Variants in PCDH7 observed in about 807,000 individuals in gnomAD.
PCDH7 encodes the protein protocadherin-7.
A neutral mutation model predicts 58.9 loss-of-function variants in PCDH7; 17 were observed. The ratio of observed to expected loss-of-function variants is 0.29; its 90% CI spans 0.20 to 0.43. The LOEUF (loss-of-function observed/expected upper bound fraction) is 0.43, where lower values mean the gene tolerates loss of function less well. Ranked by LOEUF, PCDH7 falls within the 20% of genes least tolerant of loss-of-function variation. The probability of loss-of-function intolerance (pLI) is 1.00; values close to 1 mark genes in which losing one functional copy is unlikely to be tolerated. For missense variants in PCDH7, 1,274 were observed against 1,441.0 expected (o/e 0.88, Z 1.88); for synonymous variants, 664 against 616.4 (o/e 1.08, Z -1.14).
At chr4:30,844,965 A>G (rs1000591199) in intron 1 of PCDH7, among the ~76,000 whole-genome samples, 1 of 152,178 alleles carries the variant, frequency 6.6e-6, no homozygotes, top group African/African-American at 2.4e-5. Flanking sequence ...TTGAATAAGA[A>G]GGGAGTTTTG....
chr4:30,898,354 C>A (rs1388957347), intron 1 of PCDH7, among the ~76,000 whole-genome samples: 2 of 152,232 alleles, frequency 1.3e-5, no homozygotes, highest in African/African-American at 4.8e-5. Flanking sequence ...CGGCAGGCAT[C>A]AGATTGAATC....
chr4:31,079,081 A>AAGAT (rs1759253050), intron 3 of PCDH7, among the ~76,000 whole-genome samples: 1 of 151,838 alleles, frequency 6.6e-6, no homozygotes, highest in South Asian at 2.1e-4. Flanking sequence ...TTAACATTTA[A>AAGAT]AGATAGAAAT....
chr4:30,810,587 T>G (rs956908042), intron 1 of PCDH7, among the ~76,000 whole-genome samples: 2 of 151,626 alleles, frequency 1.3e-5, no homozygotes, highest in African/African-American at 4.9e-5. Flanking sequence ...TTGTAAATTA[T>G]GATTTTTTAA....
At chr4:30,948,439 T>G (rs1020410951) in intron 2 of PCDH7, among the ~76,000 whole-genome samples, 3 of 152,084 alleles carry the variant, frequency 2.0e-5, no homozygotes, top group African/African-American at 7.2e-5. Context: ...AAATAATCAC[T>G]GAGGAATATT....
intron 1 of PCDH7, among the ~76,000 whole-genome samples, chr4:30,770,093 G>T (rs892970338): frequency 6.6e-6 from 1 of 152,076 alleles, no homozygotes; most frequent in African/African-American, 2.4e-5. Flanking sequence ...AGGCTTGGTG[G>T]GTATCCTGAG....
chr4:30,834,923 A>G (rs1474057459), intron 1 of PCDH7, among the ~76,000 whole-genome samples: 2 of 150,464 alleles, frequency 1.3e-5, no homozygotes, highest in Non-Finnish European at 2.9e-5. Context: ...ATATATGTGT[A>G]TATATATACA....
At chr4:30,996,800 G>A (rs1560564723) in intron 3 of PCDH7, among the ~76,000 whole-genome samples, 1 of 152,106 alleles carries the variant, frequency 6.6e-6, no homozygotes, top group Non-Finnish European at 1.5e-5. Context: ...TGGCCATTGA[G>A]TTTTTTCTTT....
intron 2 of PCDH7, chr4:30,925,975 C>T (rs1389766197): frequency 1.3e-5 from 2 of 152,136 alleles, no homozygotes; most frequent in African/African-American, 2.4e-5. Context: ...CTGGCTTTAC[C>T]TCCTACAAGG....
In PCDH7 at chr4:31,093,260, C is replaced by T. The variant is rs191505526; in HGVS notation, c.*8-49213C>T. Among the ~76,000 whole-genome samples, 172 of 152,232 alleles carry T rather than the reference C, an allele frequency of 1.1e-3. No individual in the cohort carries two copies. The Middle Eastern group carries it at 0.017, about 15-fold the overall frequency. Reference sequence around the variant, plus strand: ...AAAAAATAGCAAGAACATCCATTTTCATTACATTTATTTCATTATAGTTTA... The same window carrying T: ...AAAAAATAGCAAGAACATCCATTTTTATTACATTTATTTCATTATAGTTTA... On this transcript the variant is annotated intron_variant, in intron 3 of 3. Transcript: ENST00000509759.
At chr4:30,796,903 T>C (rs1577841578) in intron 1 of PCDH7, among the ~76,000 whole-genome samples, 1 of 152,140 alleles carries the variant, frequency 6.6e-6, no homozygotes, top group Non-Finnish European at 1.5e-5. Flanking sequence ...CATGAGTAAA[T>C]CCTACCTGCC....
intron 3 of PCDH7, among the ~76,000 whole-genome samples, chr4:31,093,379 G>A (rs1159258120): frequency 6.6e-6 from 1 of 152,068 alleles, no homozygotes; most frequent in Non-Finnish European, 1.5e-5. Context: ...TGTTTAAGAA[G>A]AAGCATAATG....
chr4:30,902,705 T>G (rs536369710), intron 1 of PCDH7, among the ~76,000 whole-genome samples: 1 of 152,082 alleles, frequency 6.6e-6, no homozygotes, highest in African/African-American at 2.4e-5. Flanking sequence ...CTTGAAAAAG[T>G]CATAAGGAAA....
intron 3 of PCDH7, among the ~76,000 whole-genome samples, chr4:31,039,704 A>G (rs1755690322): frequency 1.3e-5 from 2 of 152,220 alleles, no homozygotes; most frequent in South Asian, 4.1e-4. Flanking sequence ...TTTCTAGAAG[A>G]GCAACTGGAA....
At chr4:30,790,894 G>A (rs1188262946) in intron 1 of PCDH7, among the ~76,000 whole-genome samples, 2 of 151,968 alleles carry the variant, frequency 1.3e-5, no homozygotes, top group East Asian at 3.9e-4. Flanking sequence ...CTGCACTCCA[G>A]CAAGAATGAC....
At chr4:30,781,763 C>T (rs970344136) in intron 1 of PCDH7, among the ~76,000 whole-genome samples, 4 of 151,524 alleles carry the variant, frequency 2.6e-5, no homozygotes, top group Non-Finnish European at 5.9e-5. Flanking sequence ...CTTGAACTCC[C>T]GACCTCAGGT....
At chr4:30,864,660 G>A (rs1734651315) in intron 1 of PCDH7, among the ~76,000 whole-genome samples, 1 of 151,954 alleles carries the variant, frequency 6.6e-6, no homozygotes, top group Admixed American at 6.6e-5. Context: ...GTCCTATACT[G>A]TGAATGAAAA....
In PCDH7 at chr4:30,953,444, A is replaced by T. The variant is rs73815113; in HGVS notation, c.*7+3229A>T. On this transcript the variant is annotated intron_variant, in intron 3 of 3. Coordinates refer to the PCDH7 transcript ENST00000509759. ...TCTTTTTAGTATTCTGGTTATTTTC[A>T]TTTTCTCATTTGGTGAAAAATGGTC... Among the ~76,000 whole-genome samples, 448 of 151,708 alleles carry T rather than the reference A, an allele frequency of 3.0e-3. 2 individuals carry two copies. The highest frequency in any genetic ancestry group is 0.01 in the African/African-American group (430 of 41,404).
intron 3 of PCDH7, among the ~76,000 whole-genome samples, chr4:31,077,409 CA>C (rs36096768): frequency 1.2e-3 from 103 of 87,938 alleles, no homozygotes; most frequent in Admixed American, 1.7e-3. Flanking sequence ...AACTCCATCT[CA>C]AAAAAAAAAA....
intron 1 of PCDH7, among the ~76,000 whole-genome samples, chr4:30,909,560 C>T (rs74374593): frequency 0.014 from 2,153 of 152,160 alleles, 45 homozygotes; most frequent in African/African-American, 0.049. Flanking sequence ...AAATTATGAG[C>T]AAACTCCCAT....
Sources: gnomAD v4.1 joint callset for allele counts (sites outside exome capture counted in the v4.1 genomes callset) on GRCh38, gnomAD v4.1.1 for gene constraint, MANE v1.5 for transcripts, NCBI Gene and HGNC (gene_info 2026-07-23, HGNC 2026-07-21) for gene names.